CCND3: variants seen among roughly 807,000 people sequenced by gnomAD.
The protein encoded by CCND3 is G1/S-specific cyclin-D3.
CCND3 carries 9 observed loss-of-function variants against 28.7 expected under a neutral mutation model. That is an observed-to-expected ratio of 0.31 (90% CI 0.19 to 0.55). The LOEUF (loss-of-function observed/expected upper bound fraction) is 0.55, where lower values mean the gene tolerates loss of function less well. CCND3 is among the 20% of genes least tolerant of loss of function. The probability of loss-of-function intolerance (pLI) is 0.93; values close to 1 mark genes in which losing one functional copy is unlikely to be tolerated. For synonymous variants in CCND3, 164 were observed against 163.9 expected (o/e 1.00, Z 0.00); for missense variants, 315 against 385.8 (o/e 0.82, Z 1.54).
chr6:42,033,131 G>A (rs62415871), intron 1 of CCND3, among the ~76,000 whole-genome samples: 1 of 152,090 alleles, frequency 6.6e-6, no homozygotes, highest in Admixed American at 6.6e-5. Flanking sequence ...CTGTGGCCAG[G>A]GTAAGTATTG....
At chr6:42,040,456 G>C (rs1191775646) in intron 1 of CCND3, among the ~76,000 whole-genome samples, 1 of 151,854 alleles carries the variant, frequency 6.6e-6, no homozygotes, top group Non-Finnish European at 1.5e-5. Flanking sequence ...AGAAAAGTCT[G>C]ACTGAGGTCA....
Position 41,936,570 on chromosome 6 carries a change from C to T in CCND3, c.700G>A (p.Gly234Ser), listed in dbSNP as rs1375095615. ...ELTELLAGIT[G>S]TEVDCLRACQ... ...TACCCAGCACTCACCACTTCAGTGC[C>T]AGTGATCCCTGCCAGCAGCTCTGTG... Residue 234 changes from glycine (G) to serine (S), a missense_variant, in exon 4 of 5, where the codon GGC becomes AGC. Gly to Ser is a moderately conservative substitution (Grantham distance 56). Coordinates refer to ENST00000372991, the MANE Select transcript of CCND3 (RefSeq NM_001760.5). The surrounding 1 kb of genome is among the most constrained non-coding windows in gnomAD (Gnocchi z 4.4). The T allele has an allele frequency of 6.2e-7, 1 of 1,614,150 alleles. No individual in the cohort carries two copies. Among genetic ancestry groups the T allele is most frequent in the Admixed American group, 1.7e-5 (1 of 60,022 alleles).
chr6:42,034,468 CTTTTTTTTTT>C (rs34822771), intron 1 of CCND3, among the ~76,000 whole-genome samples: 675 of 50,978 alleles, frequency 0.013, 11 homozygotes, highest in African/African-American at 0.045. Flanking sequence ...CCCTGTCACT[CTTTTTTTTTT>C]TTTTTTTTTT....
chr6:41,947,047 A>G (rs1452705664), intron 1 of CCND3, among the ~76,000 whole-genome samples: 3 of 151,860 alleles, frequency 2.0e-5, no homozygotes, highest in Non-Finnish European at 1.5e-5. Context: ...GTGAAACCCC[A>G]TCTCTACTAA....
chr6:42,042,030 G>A (rs1284423890), intron 1 of CCND3, among the ~76,000 whole-genome samples: 1 of 152,178 alleles, frequency 6.6e-6, no homozygotes, highest in Non-Finnish European at 1.5e-5. Context: ...CAAAAGCTGG[G>A]GCCAGAACTG....
chr6:41,955,081 C>G, intron 1 of CCND3, among the ~76,000 whole-genome samples: 1 of 152,178 alleles, frequency 6.6e-6, no homozygotes, highest in East Asian at 1.9e-4. Context: ...TCACTACTTT[C>G]TCTACTAACA....
chr6:41,943,060 C>T (rs2127396467), upstream of CCND3, among the ~76,000 whole-genome samples: 1 of 152,026 alleles, frequency 6.6e-6, no homozygotes, highest in Non-Finnish European at 1.5e-5. Context: ...GATGGGGTTT[C>T]ACTATGTTGG....
chr6:42,045,102 T>G (rs940542563), intron 1 of CCND3, among the ~76,000 whole-genome samples: 1 of 151,868 alleles, frequency 6.6e-6, no homozygotes, highest in Non-Finnish European at 1.5e-5. Flanking sequence ...CTGTGCCCAG[T>G]GGCTATCCTT....
intron 1 of CCND3, among the ~76,000 whole-genome samples, chr6:42,006,680 G>C (rs1269891264): frequency 6.6e-6 from 1 of 152,074 alleles, no homozygotes; most frequent in Non-Finnish European, 1.5e-5. Context: ...AGGCTGAGGC[G>C]GGTGGGTCAC....
intron 3 of CCND3, 41 bp downstream of exon 3, chr6:41,937,194 T>C: frequency 6.2e-7 from 1 of 1,609,268 alleles, no homozygotes; most frequent in Non-Finnish European, 8.5e-7. Flanking sequence ...ATAAGTCTTC[T>C]GATTTTTCCA....
intron 1 of CCND3, among the ~76,000 whole-genome samples, chr6:42,034,356 CA>C (rs1291329612): frequency 2.0e-5 from 3 of 151,664 alleles, no homozygotes; most frequent in African/African-American, 7.3e-5. Context: ...CCATGTTGGC[CA>C]GGCTGGTCTT....
chr6:41,992,843 C>A (rs1191148970), intron 1 of CCND3, among the ~76,000 whole-genome samples: 3 of 151,850 alleles, frequency 2.0e-5, no homozygotes, highest in Non-Finnish European at 2.9e-5. Context: ...CTCCCTCAAG[C>A]AATCCTCCTG....
chr6:42,025,691 T>C (rs987543022), intron 1 of CCND3, among the ~76,000 whole-genome samples: 7 of 152,200 alleles, frequency 4.6e-5, no homozygotes, highest in African/African-American at 1.7e-4. Flanking sequence ...GATGCATTCA[T>C]GGGCTCCCTT....
rs564142052 is a variant in CCND3 at position 41,968,869 on chromosome 6, G to A, written c.-45-28284C>T. Among the ~76,000 whole-genome samples the A allele has an allele frequency of 3.9e-5, 6 of 152,150 alleles. No individual in the cohort carries two copies. The South Asian group carries it at 1.0e-3, about 26-fold the overall frequency. ...CACCCAGGCTGGAGTGCAGTGGTGC[G>A]ATCTCTGCTCACTGCAACCTCCACC... On this transcript the variant is annotated intron_variant, in intron 1 of 4. Transcript: ENST00000372988.
chr6:42,013,099 T>A (rs1342523239), intron 1 of CCND3, among the ~76,000 whole-genome samples: 1 of 152,210 alleles, frequency 6.6e-6, no homozygotes, highest in African/African-American at 2.4e-5. Flanking sequence ...ATGATCTTAG[T>A]CATCCTTTCC....
chr6:41,941,436 C>T lies in CCND3; in HGVS notation c.198+16G>A, dbSNP rs941153314. 1 of 1,605,926 alleles carries T rather than the reference C, an allele frequency of 6.2e-7. No homozygotes were observed. The highest frequency in any genetic ancestry group is 8.5e-7 in the Non-Finnish European group (1 of 1,177,882). ...ACCCGGGAGCGGTGGGGGAGGGGGA[C>T]GCGTCCGGGCGGTACCTCCAGCATC... On this transcript the variant is annotated intron_variant, in intron 1 of 4. Transcript: ENST00000372991. The surrounding 1 kb of genome is among the most constrained non-coding windows in gnomAD (Gnocchi z 6.1).
At chr6:41,951,685 C>A (rs1004098167) in intron 1 of CCND3, among the ~76,000 whole-genome samples, 18 of 151,774 alleles carry the variant, frequency 1.2e-4, no homozygotes, top group African/African-American at 3.9e-4. Flanking sequence ...TGGCACAACA[C>A]CCCTGATAGC....
intron 1 of CCND3, among the ~76,000 whole-genome samples, chr6:42,012,827 T>C (rs1178227689): frequency 1.3e-5 from 2 of 152,226 alleles, no homozygotes; most frequent in Admixed American, 6.5e-5. Flanking sequence ...TCCAAGCTTC[T>C]ACCAGATTCA....
In CCND3 at chr6:41,961,053, G is replaced by A. The variant is rs575153192; in HGVS notation, c.-45-20468C>T. On this transcript the variant is annotated intron_variant, in intron 1 of 4. Transcript: ENST00000372988. Reference sequence around the variant, plus strand: ...CACAAAGGCCAAGGAAAGAAGCACAGGCTGAGCAGAAGCAACCCTCGTTTC... The same window carrying A: ...CACAAAGGCCAAGGAAAGAAGCACAAGCTGAGCAGAAGCAACCCTCGTTTC... Among the ~76,000 whole-genome samples, 18 of 152,356 alleles carry A rather than the reference G, an allele frequency of 1.2e-4. No individual in the cohort carries two copies. In the East Asian group the frequency reaches 3.5e-3, roughly 29 times the overall value.
Sources: gnomAD v4.1 joint callset for allele counts (sites outside exome capture counted in the v4.1 genomes callset) on GRCh38, gnomAD v4.1.1 for gene constraint, Gnocchi (gnomAD v3.1) non-coding constraint, MANE v1.5 for transcripts, NCBI Gene and HGNC (gene_info 2026-07-23, HGNC 2026-07-21) for gene names.